NCKAP5: variants seen among roughly 807,000 people sequenced by gnomAD.
NCKAP5 encodes nck-associated protein 5.
NCKAP5 carries 92 observed loss-of-function variants against 167.0 expected under a neutral mutation model. The ratio of observed to expected loss-of-function variants is 0.55; its 90% CI spans 0.47 to 0.66. The LOEUF (loss-of-function observed/expected upper bound fraction) is 0.66. Ranked by LOEUF, NCKAP5 falls within the 30% of genes least tolerant of loss-of-function variation. The probability of loss-of-function intolerance (pLI) is 0.00; values close to 1 mark genes in which losing one functional copy is unlikely to be tolerated. For synonymous variants in NCKAP5, 891 were observed against 877.4 expected (o/e 1.02, Z -0.27); for missense variants, 2,378 against 2,315.0 (o/e 1.03, Z -0.56).
chr2:133,654,791 G>A, the NCKAP5 span, among the ~76,000 whole-genome samples: 1 of 152,156 alleles, frequency 6.6e-6, no homozygotes, highest in Non-Finnish European at 1.5e-5. Flanking sequence ...ATTGGTGAAG[G>A]AACCACCTGC....
At chr2:133,094,994 T>C (rs1200991009) in intron 6 of NCKAP5, among the ~76,000 whole-genome samples, 1 of 152,086 alleles carries the variant, frequency 6.6e-6, no homozygotes, top group Non-Finnish European at 1.5e-5. Flanking sequence ...ATGAATGAGC[T>C]TGGAAGCAGA....
the NCKAP5 span, among the ~76,000 whole-genome samples, chr2:133,588,576 C>T: frequency 6.6e-6 from 1 of 152,076 alleles, no homozygotes; most frequent in Non-Finnish European, 1.5e-5. Context: ...GAGCCACGCA[C>T]TCTTTAAGCA....
chr2:132,779,485 C>A (rs1469865436), intron 15 of NCKAP5, among the ~76,000 whole-genome samples: 1 of 151,456 alleles, frequency 6.6e-6, no homozygotes, highest in East Asian at 1.9e-4. Flanking sequence ...AGTGACACCA[C>A]AAGGGCAGCC....
chr2:133,022,402 T>C (rs946688814), intron 6 of NCKAP5, among the ~76,000 whole-genome samples: 4 of 152,180 alleles, frequency 2.6e-5, no homozygotes, highest in African/African-American at 2.4e-5. Flanking sequence ...TATGCTGCTT[T>C]GAAATGCTGA....
At chr2:133,169,652 C>T (rs965984741) in intron 5 of NCKAP5, among the ~76,000 whole-genome samples, 1 of 152,174 alleles carries the variant, frequency 6.6e-6, no homozygotes, top group Non-Finnish European at 1.5e-5. Context: ...AAGTGGCTCC[C>T]ACTCGCAGTT....
At chr2:133,170,183 C>T (rs1448532980) in intron 5 of NCKAP5, among the ~76,000 whole-genome samples, 1 of 152,050 alleles carries the variant, frequency 6.6e-6, no homozygotes, top group Non-Finnish European at 1.5e-5. Context: ...AATTTCATTG[C>T]CTTTGGGGCT....
chr2:133,104,336 T>C (rs758897782), intron 6 of NCKAP5, among the ~76,000 whole-genome samples: 2 of 152,184 alleles, frequency 1.3e-5, no homozygotes, highest in Non-Finnish European at 2.9e-5. Flanking sequence ...CCTCCATCAG[T>C]GAACAGAAAA....
At chr2:133,048,557 AT>A (rs1159071447) in intron 6 of NCKAP5, among the ~76,000 whole-genome samples, 1 of 152,168 alleles carries the variant, frequency 6.6e-6, no homozygotes, top group African/African-American at 2.4e-5. Context: ...TATGTGGATA[AT>A]TTTTAGAATT....
chr2:133,362,935 GT>G (rs1032421899), intron 3 of NCKAP5, among the ~76,000 whole-genome samples: 48 of 144,206 alleles, frequency 3.3e-4, no homozygotes, highest in African/African-American at 9.1e-4. Flanking sequence ...TTCGTTTTTT[GT>G]TTTTTTTTTT....
intron 1 of NCKAP5, among the ~76,000 whole-genome samples, chr2:133,567,619 A>AT (rs952498896): frequency 6.6e-6 from 1 of 151,218 alleles, no homozygotes; most frequent in Admixed American, 6.6e-5. Flanking sequence ...ATTTCAAAAT[A>AT]TTTTTTGATA....
chr2:133,599,281 C>T, the NCKAP5 span, among the ~76,000 whole-genome samples: 2 of 152,298 alleles, frequency 1.3e-5, no homozygotes, highest in East Asian at 3.9e-4. Context: ...TCCTAGAAGG[C>T]ACTTTGAGAA....
At chr2:132,839,765 A>AG (rs910314219) in intron 11 of NCKAP5, among the ~76,000 whole-genome samples, 4 of 151,188 alleles carry the variant, frequency 2.6e-5, no homozygotes, top group Non-Finnish European at 5.9e-5. Flanking sequence ...CTCAAAAAAA[A>AG]AAAAAAAAAA....
At chr2:133,049,942 A>G (rs1227849141) in intron 6 of NCKAP5, among the ~76,000 whole-genome samples, 1 of 152,244 alleles carries the variant, frequency 6.6e-6, no homozygotes, top group East Asian at 1.9e-4. Flanking sequence ...GACAAAGGAG[A>G]CATTCATAAA....
At chr2:133,448,934 A>T (rs1176476269) in intron 3 of NCKAP5, among the ~76,000 whole-genome samples, 1 of 152,166 alleles carries the variant, frequency 6.6e-6, no homozygotes, top group Non-Finnish European at 1.5e-5. Context: ...CCTTTCTATA[A>T]AATAACATAG....
At chr2:133,221,090 T>C (rs1190369587) in intron 4 of NCKAP5, among the ~76,000 whole-genome samples, 1 of 150,300 alleles carries the variant, frequency 6.7e-6, no homozygotes, top group Non-Finnish European at 1.5e-5. Flanking sequence ...ACTGTTAATA[T>C]GTGAAATACT....
intron 16 of NCKAP5, among the ~76,000 whole-genome samples, chr2:132,744,161 CAATAT>C (rs926210613): frequency 6.6e-6 from 1 of 151,584 alleles, no homozygotes; most frequent in Non-Finnish European, 1.5e-5. Flanking sequence ...AAGATCTGAA[CAATAT>C]AATTTAAAAC....
chr2:132,902,902 C>T (rs1031280927), intron 8 of NCKAP5, among the ~76,000 whole-genome samples: 1 of 152,194 alleles, frequency 6.6e-6, no homozygotes, highest in Non-Finnish European at 1.5e-5. Context: ...CATGCCCAGT[C>T]CTGTGTCATG....
chr2:133,553,223 A>C (rs964701309), intron 2 of NCKAP5, among the ~76,000 whole-genome samples: 2 of 152,266 alleles, frequency 1.3e-5, no homozygotes, highest in Non-Finnish European at 2.9e-5. Flanking sequence ...GTGGACTATA[A>C]GTTTTGAAAT....
At chr2:132,870,044 G>A (rs764656294) in intron 9 of NCKAP5, among the ~76,000 whole-genome samples, 1 of 152,162 alleles carries the variant, frequency 6.6e-6, no homozygotes, top group Non-Finnish European at 1.5e-5. Flanking sequence ...AGTGAATCTT[G>A]ATTAATCTAA....
Sources: allele counts gnomAD v4.1 joint callset (sites outside exome capture counted in the v4.1 genomes callset), GRCh38; gene constraint gnomAD v4.1.1; transcripts MANE v1.5; gene names NCBI Gene and HGNC (gene_info 2026-07-23, HGNC 2026-07-21).